Variants in SLAIN1 observed in about 807,000 individuals in gnomAD.
SLAIN1 encodes SLAIN motif-containing protein 1.
SLAIN1 carries 17 observed loss-of-function variants against 55.4 expected under a neutral mutation model. The ratio of observed to expected loss-of-function variants is 0.31; its 90% CI spans 0.21 to 0.46. SLAIN1 has a LOEUF of 0.46. SLAIN1 is among the 20% of genes least tolerant of loss of function. The pLI is 1.00. For synonymous variants in SLAIN1, 348 were observed against 337.4 expected, an observed-to-expected ratio of 1.03 and a Z score of -0.35; for missense variants, 682 against 785.1, an observed-to-expected ratio of 0.87 and a Z score of 1.57.
At chr13:77,740,438 A>G (rs188011406) in intron 2 of SLAIN1, among the ~76,000 whole-genome samples, 34 of 152,064 alleles carry the variant, frequency 2.2e-4, no homozygotes, top group Non-Finnish European at 4.6e-4. Context: ...TTCAGTGTGT[A>G]GTCCTGTTTG....
At chr13:77,756,512 T>C (rs1367794976) in intron 5 of SLAIN1, among the ~76,000 whole-genome samples, 1 of 152,172 alleles carries the variant, frequency 6.6e-6, no homozygotes. Flanking sequence ...TTTCTACTAG[T>C]TTGCTGGTAT....
intron 2 of SLAIN1, among the ~76,000 whole-genome samples, chr13:77,729,995 A>G (rs1027015822): frequency 1.3e-5 from 2 of 152,002 alleles, no homozygotes; most frequent in African/African-American, 4.8e-5. Context: ...TTCTGTCACT[A>G]GGATAAGCCA....
At chr13:77,740,081 C>T (rs1201873593) in intron 2 of SLAIN1, among the ~76,000 whole-genome samples, 3 of 152,030 alleles carry the variant, frequency 2.0e-5, no homozygotes, top group Non-Finnish European at 4.4e-5. Flanking sequence ...AGGGTAGCTT[C>T]AGAGACACTG....
At chr13:77,736,929 C>T (rs1873149584) in intron 2 of SLAIN1, among the ~76,000 whole-genome samples, 1 of 151,792 alleles carries the variant, frequency 6.6e-6, no homozygotes. Context: ...TTCTCTTTTC[C>T]TTGTGTATTT....
At position 77,746,838 on chromosome 13, in the gene SLAIN1, C is replaced by A; in HGVS notation, c.1241C>A (p.Pro414Gln). The A allele has an allele frequency of 6.2e-7, 1 of 1,612,440 alleles. No individual in the cohort carries two copies. Among genetic ancestry groups the A allele is most frequent in the Non-Finnish European group, 8.5e-7 (1 of 1,178,846 alleles). ...SPQAQTPDQQ[P>Q]NRTNGDKLRR... is the part of the protein sequence containing the mutation. ...CAAGCCCAAACTCCAGATCAGCAAC[C>A]AAATAGGACCAATGGAGGTAGGTTG... The change falls in exon 4 of 7, where the codon CCA (proline) becomes CAA (glutamine). Residue 414 changes from proline to glutamine, a missense_variant. Pro to Gln is a moderately conservative substitution (Grantham distance 76, BLOSUM62 -1). Around this residue, in one of 3 missense-constraint regions of SLAIN1, gnomAD observed 244 missense variants for 295.2 expected, o/e 0.83. Transcript: ENST00000418532.
At chr13:77,703,399 T>C (rs1181375257) in intron 1 of SLAIN1, among the ~76,000 whole-genome samples, 3 of 151,412 alleles carry the variant, frequency 2.0e-5, no homozygotes, top group Non-Finnish European at 4.4e-5. Context: ...ACCTAAACTG[T>C]TTTTTGCATA....
chr13:77,698,112 C>T lies in SLAIN1; in HGVS notation c.199C>T (p.Pro67Ser). 1 of 1,024,780 alleles carries T rather than the reference C, an allele frequency of 9.8e-7. No homozygotes were observed. The highest frequency in any genetic ancestry group is 1.1e-6 in the Non-Finnish European group (1 of 881,202). The allele number at this position is 1,024,780 out of a possible 1,614,324, so 63.5% of individuals were successfully genotyped here. The change falls in exon 1 of 7, where the codon CCC becomes TCC. Residue 67 changes from proline to serine, a missense_variant. By Grantham distance (74) the Pro-to-Ser change is moderately conservative. Coordinates refer to ENST00000418532, the MANE Select transcript of SLAIN1 (RefSeq NM_001242868.2). This position sits in a 1 kb window ranked among gnomAD's most constrained non-coding sequence, Gnocchi z 4.1. ...PHLLLLPPPP[P>S]AAPPPAGLQP... ...CCTGCTGCTGCTGCCGCCGCCGCCG[C>T]CCGCCGCGCCGCCCCCCGCTGGCCT... is the stretch of plus-strand genomic sequence containing the variant.
At chr13:77,761,829 A>G (rs745989364) in intron 6 of SLAIN1, among the ~76,000 whole-genome samples, 7 of 152,020 alleles carry the variant, frequency 4.6e-5, no homozygotes, top group Non-Finnish European at 7.4e-5. Flanking sequence ...ATCATGGAGT[A>G]TCTTATATTA....
At chr13:77,763,021 A>G (rs1875168654) in intron 6 of SLAIN1, 124 bp from the exon 7 acceptor site, 2 of 733,930 alleles carry the variant, frequency 2.7e-6, no homozygotes, top group Admixed American at 4.8e-5. Flanking sequence ...TACACTTGAG[A>G]TGGTGCCAGT....
chr13:77,711,199 A>G (rs2091146815), intron 1 of SLAIN1, among the ~76,000 whole-genome samples: 1 of 152,172 alleles, frequency 6.6e-6, no homozygotes, highest in Non-Finnish European at 1.5e-5. Context: ...ACAAATTCAA[A>G]AGCTAGCAGA....
At chr13:77,737,752 T>G (rs1209099907) in intron 2 of SLAIN1, among the ~76,000 whole-genome samples, 1 of 152,144 alleles carries the variant, frequency 6.6e-6, no homozygotes, top group African/African-American at 2.4e-5. Context: ...TTGCTTTTAC[T>G]TTGCTCTGAG....
chr13:77,752,891 C>T (rs1335607445), intron 4 of SLAIN1, among the ~76,000 whole-genome samples: 4 of 152,204 alleles, frequency 2.6e-5, no homozygotes, highest in Non-Finnish European at 5.9e-5. Flanking sequence ...GTCTACCCCT[C>T]CCAGTCCACT....
At chr13:77,702,239 A>G (rs78149044) in intron 1 of SLAIN1, among the ~76,000 whole-genome samples, 1,822 of 152,040 alleles carry the variant, frequency 0.012, 36 homozygotes, top group African/African-American at 0.041. Flanking sequence ...TTATAGCCCT[A>G]TAGTAAAACT....
chr13:77,732,794 T>C (rs1218551910), intron 2 of SLAIN1, among the ~76,000 whole-genome samples: 1 of 152,146 alleles, frequency 6.6e-6, no homozygotes, highest in African/African-American at 2.4e-5. Context: ...TTAAAGCTGT[T>C]GTCTTATCTT....
At position 77,699,237 on chromosome 13, in the gene SLAIN1, T is replaced by A. The variant is rs751117531; in HGVS notation, c.626+698T>A. ...TGGAATGAACAGGTGGGAGGGACTT[T>A]TTTATTTATTTATTTATTTTTTTAC... On this transcript the variant is annotated intron_variant, in intron 1 of 6. Coordinates refer to ENST00000418532, the MANE Select transcript of SLAIN1 (RefSeq NM_001242868.2). The A allele has an allele frequency of 3.3e-4, 130 of 395,300 alleles. 1 individual carries two copies. Among genetic ancestry groups the A allele is most frequent in the East Asian group, 1.1e-3 (30 of 26,212 alleles). The allele number at this position is 395,300 out of a possible 1,614,324, so 24.5% of individuals were successfully genotyped here.
At chr13:77,748,817 C>T (rs934853473) in intron 4 of SLAIN1, among the ~76,000 whole-genome samples, 17 of 152,122 alleles carry the variant, frequency 1.1e-4, no homozygotes, top group East Asian at 3.8e-4. Context: ...GTCTAAGGTT[C>T]GGTTTCCCTA....
chr13:77,714,011 A>G (rs1462886877), intron 1 of SLAIN1, among the ~76,000 whole-genome samples: 1 of 143,714 alleles, frequency 7.0e-6, no homozygotes, highest in Non-Finnish European at 1.5e-5. Context: ...ATCACACACC[A>G]GGGCCTGTCG....
intron 1 of SLAIN1, chr13:77,699,033 G>A: frequency 6.5e-7 from 1 of 1,535,528 alleles, no homozygotes; most frequent in African/African-American, 1.4e-5. Context: ...AAGCCGCGCA[G>A]TGATGGATCT....
In SLAIN1 at chr13:77,719,672, G is replaced by A; in HGVS notation, c.766+1G>A. Reference sequence around the variant, plus strand: ...TCCCTGTGCTTTAGACTGGAGCAAGGTAATTGTGAGTGTGTGCATTTACAT... The same window carrying A: ...TCCCTGTGCTTTAGACTGGAGCAAGATAATTGTGAGTGTGTGCATTTACAT... On this transcript the variant is annotated splice_donor_variant, in intron 2 of 6. Transcript: ENST00000418532. LOFTEE classifies it high-confidence loss of function. The A allele has an allele frequency of 6.2e-7, 1 of 1,612,786 alleles. No individual in the cohort carries two copies. The highest frequency in any genetic ancestry group is 8.5e-7 in the Non-Finnish European group (1 of 1,179,258).
Sources: gnomAD v4.1 joint callset for allele counts (sites outside exome capture counted in the v4.1 genomes callset) on GRCh38, gnomAD v4.1.1 for gene constraint, gnomAD v4.1.1 regional missense constraint, Gnocchi (gnomAD v3.1) non-coding constraint, MANE v1.5 for transcripts, NCBI Gene and HGNC (gene_info 2026-07-23, HGNC 2026-07-21) for gene names.